Variants in LINGO2 observed in about 807,000 individuals in gnomAD.
The protein encoded by LINGO2 is leucine-rich repeat and immunoglobulin-like domain-containing nogo receptor-interacting protein 2.
A neutral mutation model predicts 30.6 loss-of-function variants in LINGO2; 14 were observed. The ratio of observed to expected loss-of-function variants is 0.46; its 90% CI spans 0.30 to 0.72. The LOEUF is 0.72. Among genes scored for constraint, LINGO2 ranks in the 30% least tolerant of loss-of-function variants. The pLI, the probability that LINGO2 is intolerant of heterozygous loss-of-function variation, is 0.07. For missense variants in LINGO2, 729 were observed against 751.7 expected, an observed-to-expected ratio of 0.97 and a Z score of 0.35; for synonymous variants, 317 against 288.5, an observed-to-expected ratio of 1.10 and a Z score of -1.00.
chr9:28,416,374 T>G (rs1047037803), intron 2 of LINGO2, among the ~76,000 whole-genome samples: 1 of 152,182 alleles, frequency 6.6e-6, no homozygotes, highest in Non-Finnish European at 1.5e-5. Flanking sequence ...TTGTGATTCT[T>G]GAATTTAAAG....
chr9:28,359,674 C>T (rs1473672395), intron 3 of LINGO2, among the ~76,000 whole-genome samples: 2 of 152,022 alleles, frequency 1.3e-5, no homozygotes, highest in African/African-American at 4.8e-5. Flanking sequence ...TCTACCAAGT[C>T]CCTTTAGAAT....
At chr9:28,845,293 T>C in the LINGO2 span, among the ~76,000 whole-genome samples, 2 of 151,932 alleles carry the variant, frequency 1.3e-5, no homozygotes, top group Non-Finnish European at 2.9e-5. Context: ...ATAAAAGATT[T>C]GTTTTTTCTT....
At chr9:28,655,342 C>G (rs1032087340) in intron 1 of LINGO2, among the ~76,000 whole-genome samples, 9 of 152,008 alleles carry the variant, frequency 5.9e-5, no homozygotes, top group African/African-American at 2.2e-4. Context: ...GCCTGCACCC[C>G]CATTGTATCT....
intron 4 of LINGO2, among the ~76,000 whole-genome samples, chr9:28,047,366 G>C (rs746670953): frequency 7.1e-6 from 1 of 141,692 alleles, no homozygotes; most frequent in Admixed American, 7.3e-5. Context: ...CTGTATGAAA[G>C]ATCTACTAAA....
At chr9:28,379,391 G>A (rs1821253810) in intron 2 of LINGO2, among the ~76,000 whole-genome samples, 1 of 152,200 alleles carries the variant, frequency 6.6e-6, no homozygotes, top group African/African-American at 2.4e-5. Context: ...TAGGAAAGTA[G>A]AGTGGTGTGG....
the LINGO2 span, among the ~76,000 whole-genome samples, chr9:29,108,311 T>C: frequency 6.6e-6 from 1 of 152,182 alleles, no homozygotes; most frequent in Non-Finnish European, 1.5e-5. Flanking sequence ...ATAACTAGAA[T>C]GCAGAAACTT....
the LINGO2 span, among the ~76,000 whole-genome samples, chr9:28,925,796 TC>T: frequency 1.4e-4 from 22 of 152,324 alleles, no homozygotes; most frequent in African/African-American, 5.1e-4. Context: ...TAAATTGCTT[TC>T]ATTCACAGAA....
At chr9:28,686,914 C>T in the LINGO2 span, among the ~76,000 whole-genome samples, 3 of 152,072 alleles carry the variant, frequency 2.0e-5, no homozygotes, top group Non-Finnish European at 2.9e-5. Flanking sequence ...AAGAAAAAGA[C>T]GCCTTTAAAA....
chr9:29,036,336 C>T, the LINGO2 span, among the ~76,000 whole-genome samples: 4 of 151,920 alleles, frequency 2.6e-5, no homozygotes, highest in Non-Finnish European at 4.4e-5. Flanking sequence ...ATATTTATTT[C>T]ATGAAAGGTC....
chr9:28,468,395 G>A (rs1341271283), intron 2 of LINGO2, among the ~76,000 whole-genome samples: 1 of 152,200 alleles, frequency 6.6e-6, no homozygotes, highest in Non-Finnish European at 1.5e-5. Flanking sequence ...GGAAACAGTA[G>A]TATAGTTGGG....
At chr9:28,045,867 G>A (rs1824397267) in intron 4 of LINGO2, among the ~76,000 whole-genome samples, 1 of 152,146 alleles carries the variant, frequency 6.6e-6, no homozygotes, top group Non-Finnish European at 1.5e-5. Context: ...AAACTACAAT[G>A]TTCTTCCCAT....
At chr9:28,476,271 T>A (rs1298978075) in intron 1 of LINGO2, among the ~76,000 whole-genome samples, 1 of 151,834 alleles carries the variant, frequency 6.6e-6, no homozygotes, top group Non-Finnish European at 1.5e-5. Flanking sequence ...AATCATTAAA[T>A]TATTTATTTA....
the LINGO2 span, among the ~76,000 whole-genome samples, chr9:29,119,617 A>T: frequency 8.3e-6 from 1 of 121,164 alleles, no homozygotes; most frequent in African/African-American, 3.2e-5. Flanking sequence ...ACAGAGTTTC[A>T]CTCTGTTGCC....
At chr9:28,683,833 C>T in the LINGO2 span, among the ~76,000 whole-genome samples, 1 of 152,172 alleles carries the variant, frequency 6.6e-6, no homozygotes, top group African/African-American at 2.4e-5. Context: ...AAACTGTGTG[C>T]CTAGCACATA....
chr9:29,078,906 A>T, the LINGO2 span, among the ~76,000 whole-genome samples: 1 of 151,908 alleles, frequency 6.6e-6, no homozygotes, highest in Non-Finnish European at 1.5e-5. Flanking sequence ...AACAATTATT[A>T]GAAGGCCCAG....
intron 4 of LINGO2, among the ~76,000 whole-genome samples, chr9:28,161,331 A>G (rs1201813064): frequency 6.6e-6 from 1 of 152,134 alleles, no homozygotes; most frequent in East Asian, 1.9e-4. Flanking sequence ...TTAAGAGGAA[A>G]ATAATGGTTG....
At chr9:28,338,070 A>T (rs1482976676) in intron 3 of LINGO2, among the ~76,000 whole-genome samples, 1 of 152,154 alleles carries the variant, frequency 6.6e-6, no homozygotes, top group Non-Finnish European at 1.5e-5. Context: ...ATGCCAGCCT[A>T]TGAAAGAACC....
At chr9:28,561,749 G>GTGTGTATATATA (rs772157537) in intron 1 of LINGO2, among the ~76,000 whole-genome samples, 1,036 of 48,710 alleles carry the variant, frequency 0.021, 242 homozygotes, top group East Asian at 0.043. Context: ...GTGTGTGTGT[G>GTGTGTATATATA]TATATATATA....
chr9:29,016,356 C>T, the LINGO2 span, among the ~76,000 whole-genome samples: 1 of 152,162 alleles, frequency 6.6e-6, no homozygotes, highest in Non-Finnish European at 1.5e-5. Flanking sequence ...TAAACTATAA[C>T]TCTCAATATG....
Sources: gnomAD v4.1 joint callset for allele counts (sites outside exome capture counted in the v4.1 genomes callset) on GRCh38, gnomAD v4.1.1 for gene constraint, MANE v1.5 for transcripts, NCBI Gene and HGNC (gene_info 2026-07-23, HGNC 2026-07-21) for gene names.